NPSR1: variants seen among roughly 807,000 people sequenced by gnomAD.
NPSR1 encodes neuropeptide S receptor.
NPSR1 carries 48 observed loss-of-function variants against 46.9 expected under a neutral mutation model. The observed-to-expected ratio is 1.02, with a 90% CI of 0.81 to 1.30. The LOEUF (loss-of-function observed/expected upper bound fraction) is 1.30. Among genes scored for constraint, NPSR1 ranks in the 50% most tolerant of loss-of-function variants. NPSR1 has a pLI of 0.00. For synonymous variants in NPSR1, 176 were observed against 168.1 expected (o/e 1.05, Z -0.36); for missense variants, 450 against 449.5 (o/e 1.00, Z -0.01).
chr7:34,861,162 G>C (rs2128767939), intron 8 of NPSR1, among the ~76,000 whole-genome samples: 1 of 152,006 alleles, frequency 6.6e-6, no homozygotes, highest in South Asian at 2.1e-4. Flanking sequence ...ACTCACACTG[G>C]GGACAGGTGA....
At chr7:34,703,408 C>CA (rs1793946530) in intron 2 of NPSR1, among the ~76,000 whole-genome samples, 1 of 122,606 alleles carries the variant, frequency 8.2e-6, no homozygotes, top group Non-Finnish European at 1.7e-5. Context: ...ATAAATAAAG[C>CA]ATTTTTTTTT....
At chr7:34,726,768 A>G (rs566818968) in intron 2 of NPSR1, among the ~76,000 whole-genome samples, 5 of 151,630 alleles carry the variant, frequency 3.3e-5, no homozygotes, top group African/African-American at 1.2e-4. Context: ...ACTACATATT[A>G]TGATTCCCAA....
chr7:34,865,043 G>A (rs1315942305), intron 8 of NPSR1, among the ~76,000 whole-genome samples: 1 of 151,756 alleles, frequency 6.6e-6, no homozygotes, highest in Non-Finnish European at 1.5e-5. Flanking sequence ...TGTGTTTCAT[G>A]CTTTCACACC....
intron 4 of NPSR1, among the ~76,000 whole-genome samples, chr7:34,821,872 T>C (rs1242223403): frequency 6.6e-6 from 1 of 152,162 alleles, no homozygotes; most frequent in Admixed American, 6.5e-5. Context: ...ATCAGTAGCT[T>C]CTGGGAAAGA....
At chr7:34,663,087 G>GTGTTTGTGTGTGTGTGTA (rs1562634797) in intron 1 of NPSR1, among the ~76,000 whole-genome samples, 2 of 96,296 alleles carry the variant, frequency 2.1e-5, no homozygotes, top group African/African-American at 9.9e-5. Context: ...GTGTGTATGT[G>GTGTTTGTGTGTGTGTGTA]TGTGTGGCGG....
chr7:34,837,904 A>G (rs1006774557), intron 6 of NPSR1, among the ~76,000 whole-genome samples: 11 of 152,172 alleles, frequency 7.2e-5, no homozygotes, highest in African/African-American at 2.7e-4. Flanking sequence ...CTGAGTCATG[A>G]CTGGCAGTGT....
At chr7:34,852,349 G>A (rs1584144763), downstream of NPSR1, among the ~76,000 whole-genome samples, 1 of 152,064 alleles carries the variant, frequency 6.6e-6, no homozygotes, top group Admixed American at 6.5e-5. Context: ...GGGAGGAAGG[G>A]AGGAAGGAAG....
In NPSR1 at chr7:34,767,323, T is replaced by C. The variant is rs189416343; in HGVS notation, c.281-11139T>C. Among the ~76,000 whole-genome samples the C allele has an allele frequency of 3.0e-3, 463 of 152,312 alleles. 1 individual carries two copies. The highest frequency in any genetic ancestry group is 0.011 in the African/African-American group (442 of 41,564). Reference sequence around the variant, plus strand: ...TCAAAATAAACACTTTAAAACATTCTCCCTACTAAATAACCATGATTAATA... The same window carrying C: ...TCAAAATAAACACTTTAAAACATTCCCCCTACTAAATAACCATGATTAATA... On this transcript the variant is annotated intron_variant, in intron 2 of 8. Transcript: ENST00000360581.
chr7:34,788,890 T>C (rs184566577), intron 3 of NPSR1, among the ~76,000 whole-genome samples: 212 of 152,148 alleles, frequency 1.4e-3, no homozygotes, highest in Non-Finnish European at 2.3e-3. Context: ...TTCTCCAGGA[T>C]AATCATAGAG....
At chr7:34,827,636 G>A (rs367975771) in intron 5 of NPSR1, 34 bp downstream of exon 5, 5 of 1,201,642 alleles carry the variant, frequency 4.2e-6, no homozygotes, top group South Asian at 3.7e-5. Context: ...CACACGGGGG[G>A]GTGGGGCGGG....
At position 34,804,224 on chromosome 7, in the gene NPSR1, A is replaced by G. The variant is rs547583500; in HGVS notation, c.385-7546A>G. On this transcript the variant is annotated intron_variant, in intron 3 of 8. Transcript: ENST00000360581. ...TATTAAAAGAAAGGAAAACTACAGAACAATATCCCTCATGAACATAAATGC... is the reference window on the plus strand; with the variant it reads ...TATTAAAAGAAAGGAAAACTACAGAGCAATATCCCTCATGAACATAAATGC... Among the ~76,000 whole-genome samples the G allele has an allele frequency of 2.0e-5, 3 of 152,264 alleles. No homozygotes were observed. In the South Asian group the frequency reaches 6.2e-4, roughly 32 times the overall value.
intron 3 of NPSR1, among the ~76,000 whole-genome samples, chr7:34,795,610 C>T (rs142730475): frequency 4.7e-4 from 72 of 151,968 alleles, no homozygotes; most frequent in African/African-American, 1.4e-3. Flanking sequence ...CCTATATAAC[C>T]GCAATAAACA....
At chr7:34,777,498 T>C (rs892207552) in intron 2 of NPSR1, among the ~76,000 whole-genome samples, 3 of 150,198 alleles carry the variant, frequency 2.0e-5, no homozygotes, top group Non-Finnish European at 3.0e-5. Context: ...TTTTTTTTTT[T>C]CTACTTCTTC....
chr7:34,845,685 A>G, intron 7 of NPSR1: 1 of 431,696 alleles, frequency 2.3e-6, no homozygotes, highest in Non-Finnish European at 4.6e-6. Flanking sequence ...TGATTTTCTT[A>G]TAGTCTGTCT....
rs991146104 is a variant in NPSR1 at position 34,714,271 on chromosome 7, C to A, written c.280+29587C>A. Among the ~76,000 whole-genome samples the A allele has an allele frequency of 5.3e-5, 8 of 152,336 alleles. No homozygotes were observed. In the South Asian group the frequency reaches 1.4e-3, roughly 28 times the overall value. ...GTTCTGAAATTATGAAATGTCCATTCTGCCGCATTCCATTGGTTGAGGATG... is the reference window on the plus strand; with the variant it reads ...GTTCTGAAATTATGAAATGTCCATTATGCCGCATTCCATTGGTTGAGGATG... On this transcript the variant is annotated intron_variant, in intron 2 of 8. Transcript: ENST00000360581.
At chr7:34,850,102 T>C, downstream of NPSR1, 1 of 523,514 alleles carries the variant, frequency 1.9e-6, no homozygotes, top group Non-Finnish European at 2.5e-6. Context: ...GTTCAGTGCT[T>C]GTAGCCAAGA....
chr7:34,788,311 A>C (rs1787560501), intron 3 of NPSR1, among the ~76,000 whole-genome samples: 1 of 152,072 alleles, frequency 6.6e-6, no homozygotes, highest in South Asian at 2.1e-4. Context: ...ATTAGAGAAA[A>C]GCATCAACCA....
intron 7 of NPSR1, among the ~76,000 whole-genome samples, chr7:34,846,746 C>T (rs74859671): frequency 1.3e-5 from 2 of 152,280 alleles, no homozygotes; most frequent in East Asian, 1.9e-4. Context: ...TTGAATTAAA[C>T]AAAGTAATCT....
chr7:34,859,426 C>G (rs745506137), intron 8 of NPSR1, among the ~76,000 whole-genome samples: 9 of 151,562 alleles, frequency 5.9e-5, no homozygotes, highest in Non-Finnish European at 8.8e-5. Context: ...GAGTGGAGAT[C>G]TGAAGTGCAT....
Sources: allele counts gnomAD v4.1 joint callset (sites outside exome capture counted in the v4.1 genomes callset), GRCh38; gene constraint gnomAD v4.1.1; transcripts MANE v1.5; gene names NCBI Gene and HGNC (gene_info 2026-07-23, HGNC 2026-07-21).